CCNF: variants seen among roughly 807,000 people sequenced by gnomAD.
CCNF encodes the protein cyclin F.
A neutral mutation model predicts 85.4 loss-of-function variants in CCNF; 30 were observed. That is an observed-to-expected ratio of 0.35 (90% CI 0.26 to 0.48). The LOEUF (loss-of-function observed/expected upper bound fraction) is 0.48. CCNF is among the 20% of genes least tolerant of loss of function. The pLI is 0.99. For synonymous variants in CCNF, 439 were observed against 425.1 expected, an observed-to-expected ratio of 1.03 and a Z score of -0.40; for missense variants, 919 against 1,010.4, an observed-to-expected ratio of 0.91 and a Z score of 1.23.
In CCNF at chr16:2,456,860, C is replaced by T. The variant is rs377102842; in HGVS notation, c.2201C>T (p.Ser734Leu). ...PTSVLSLDSD[S>L]HTQPCHHQAR... ...TCAGTGCTGTCCCTGGACAGTGACTCGCACACACAGCCCTGCCACCATCAG... is the reference window on the plus strand; with the variant it reads ...TCAGTGCTGTCCCTGGACAGTGACTTGCACACACAGCCCTGCCACCATCAG... Residue 734 changes from serine to leucine, a missense_variant, in exon 17 of 17, where the codon TCG (serine) becomes TTG (leucine). By Grantham distance (145) the Ser-to-Leu change is moderately radical (BLOSUM62 -2). Transcript: ENST00000397066. This position sits in a 1 kb window ranked among gnomAD's most constrained non-coding sequence, Gnocchi z 4.5. 29 of 1,614,076 alleles carry T rather than the reference C, an allele frequency of 1.8e-5. No homozygotes were observed. Among genetic ancestry groups the T allele is most frequent in the African/African-American group, 1.6e-4 (12 of 75,058 alleles).
In CCNF at chr16:2,453,491, G is replaced by C; in HGVS notation, c.1669G>C (p.Glu557Gln). The C allele has an allele frequency of 6.2e-7, 1 of 1,614,100 alleles. No individual in the cohort carries two copies. The highest frequency in any genetic ancestry group is 8.5e-7 in the Non-Finnish European group (1 of 1,180,008). ...CCCCCCGACTTTCCTCAGCACAGGG[G>C]AGATCCACGCCTTCCTCAGCTCTCC... ...PDPPTFLSTG[E>Q]IHAFLSSPSG... Residue 557 changes from glutamate to glutamine, a missense_variant, in exon 15 of 17, where the codon GAG becomes CAG. Around this residue, in one of 3 missense-constraint regions of CCNF, gnomAD observed 505 missense variants for 514.8 expected, o/e 0.98. Coordinates refer to ENST00000397066, the MANE Select transcript of CCNF (RefSeq NM_001761.3). This position sits in a 1 kb window ranked among gnomAD's most constrained non-coding sequence, Gnocchi z 5.6.
intron 3 of CCNF, among the ~76,000 whole-genome samples, chr16:2,434,942 G>A (rs1162752179): frequency 2.0e-5 from 3 of 152,076 alleles, no homozygotes; most frequent in Non-Finnish European, 4.4e-5. Context: ...TGGATAATTC[G>A]TATTTGATTA....
chr16:2,439,388 T>C lies in CCNF; in HGVS notation c.630T>C (p.Phe210=). 6.2e-7 allele frequency: 1 copy of C among 1,610,076 alleles called. No homozygotes were observed. The change falls in exon 7 of 17, where the codon TTT becomes TTC. Residue 210 remains phenylalanine (F), a synonymous_variant. Transcript: ENST00000397066. ...EEKQQQAHDL[F]EEAAHQGCLT... ...AGCAGCAGCAGGCCCATGACCTGTT[T>C]GAGGAGGCTGCTCATCAGGGATGTC...
In CCNF at chr16:2,453,338, C is replaced by T. The variant is rs1342914949; in HGVS notation, c.1587+29C>T. On this transcript the variant is annotated intron_variant, in intron 14 of 16. Transcript: ENST00000397066. This position sits in a 1 kb window ranked among gnomAD's most constrained non-coding sequence, Gnocchi z 5.6. ...CCTCCCTCCCGCCACCTGGGCGTCT[C>T]ATGGGGTGCTGGGGTGTGGGCGGGC... 1.2e-6 allele frequency: 2 copies of T among 1,613,840 alleles called. No individual in the cohort carries two copies. The highest frequency in any genetic ancestry group is 1.7e-5 in the Admixed American group (1 of 60,020).
chr16:2,435,961 C>T, intron 4 of CCNF, 88 bp downstream of exon 4: 2 of 920,716 alleles, frequency 2.2e-6, no homozygotes, highest in South Asian at 2.9e-5. Flanking sequence ...GTTAGCAGTT[C>T]AGTTGCTGTC....
intron 6 of CCNF, among the ~76,000 whole-genome samples, chr16:2,438,716 G>T (rs1026812449): frequency 6.6e-6 from 1 of 152,030 alleles, no homozygotes; most frequent in Non-Finnish European, 1.5e-5. Context: ...AAGAATAAGG[G>T]CCGGTCATGG....
intron 3 of CCNF, among the ~76,000 whole-genome samples, chr16:2,434,869 T>C (rs1177825400): frequency 1.3e-5 from 2 of 152,272 alleles, no homozygotes; most frequent in East Asian, 1.9e-4. Context: ...ACGTGGTCTT[T>C]CGTGGCTGGC....
intron 2 of CCNF, among the ~76,000 whole-genome samples, 160 bp downstream of exon 2, chr16:2,431,444 G>A (rs761570242): frequency 6.6e-6 from 1 of 152,070 alleles, no homozygotes; most frequent in Admixed American, 6.5e-5. Context: ...TTGGGAGGCC[G>A]AAGGGGGGTG....
Position 2,458,297 on chromosome 16 carries a change from C to T in CCNF, c.*1277C>T, listed in dbSNP as rs968307347. The T allele has an allele frequency of 1.3e-5, 2 of 150,582 alleles. No individual in the cohort carries two copies. The highest frequency in any genetic ancestry group is 2.5e-5 in the African/African-American group (1 of 40,500). The allele number at this position is 150,582 out of a possible 1,614,324, so 9.3% of individuals were successfully genotyped here. A position where few individuals can be genotyped will look rare whatever the true frequency, so the allele number is the denominator to read the frequency against. On this transcript the variant is annotated 3_prime_UTR_variant, in exon 17 of 17. Transcript: ENST00000397066. ...GGAGACAGTTTTGCTCTTGTCTCCC[C>T]GGCTGGAGTGCAGTGGCATGATCTC...
intron 8 of CCNF, among the ~76,000 whole-genome samples, chr16:2,440,577 A>C (rs896686089): frequency 6.6e-6 from 1 of 152,116 alleles, no homozygotes. Flanking sequence ...CCTGGGCGAC[A>C]GAGCAAGACT....
At chr16:2,441,391 A>G (rs1357873110) in intron 8 of CCNF, among the ~76,000 whole-genome samples, 1 of 152,128 alleles carries the variant, frequency 6.6e-6, no homozygotes, top group Non-Finnish European at 1.5e-5. Flanking sequence ...GGGAGACCCT[A>G]TCTCAACAAA....
intron 8 of CCNF, among the ~76,000 whole-genome samples, chr16:2,443,103 A>T (rs1161598683): frequency 7.6e-6 from 1 of 130,836 alleles, no homozygotes; most frequent in Non-Finnish European, 1.6e-5. Flanking sequence ...AGATATTTTT[A>T]TATATAATAT....
intron 5 of CCNF, 147 bp from the exon 6 acceptor site, chr16:2,437,922 AG>A: frequency 3.5e-6 from 2 of 570,650 alleles, no homozygotes; most frequent in Admixed American, 3.0e-5. Context: ...AAAAAAAAAA[AG>A]ACTGAAATCT....
At chr16:2,430,329 GC>G (rs1269087178) in intron 1 of CCNF, among the ~76,000 whole-genome samples, 1 of 152,136 alleles carries the variant, frequency 6.6e-6, no homozygotes, top group Non-Finnish European at 1.5e-5. Flanking sequence ...TGAAATAAGG[GC>G]TAAGGTCATC....
intron 11 of CCNF, 118 bp from the exon 12 acceptor site, chr16:2,449,164 A>G (rs1014576254): frequency 2.8e-6 from 4 of 1,441,840 alleles, no homozygotes; most frequent in Non-Finnish European, 3.9e-6. Flanking sequence ...CTGGTGCGCT[A>G]CGCGTGCAGC....
rs544009612 is a variant in CCNF, at chr16:2,441,761, C to T, written c.778-1888C>T. Among the ~76,000 whole-genome samples, 16 of 151,252 alleles carry T rather than the reference C, an allele frequency of 1.1e-4. No homozygotes were observed. In the South Asian group the frequency reaches 3.2e-3, roughly 30 times the overall value. On this transcript the variant is annotated intron_variant, in intron 8 of 16. Transcript: ENST00000397066. ...AAAACTCCTGACCTCAAGTAATCTGCCCTCCTCGGCCTCCCAAAGTGTTGG... is the reference window on the plus strand; with the variant it reads ...AAAACTCCTGACCTCAAGTAATCTGTCCTCCTCGGCCTCCCAAAGTGTTGG...
chr16:2,449,797 C>CCCTCCATCT, intron 12 of CCNF, 31 bp from the exon 13 acceptor site: 1 of 1,365,442 alleles, frequency 7.3e-7, no homozygotes, highest in Non-Finnish European at 1.0e-6. Flanking sequence ...CCCCTCCATC[C>CCCTCCATCT]CCTCCACCCC....
intron 8 of CCNF, among the ~76,000 whole-genome samples, chr16:2,440,702 TC>T (rs975982459): frequency 2.0e-5 from 3 of 152,180 alleles, no homozygotes; most frequent in African/African-American, 7.2e-5. Context: ...TGATCTGCGC[TC>T]AAATGCTAGG....
At chr16:2,435,654 TGCACACACACAC>T (rs1567383203) in intron 3 of CCNF, 140 bp from the exon 4 acceptor site, 2 of 183,526 alleles carry the variant, frequency 1.1e-5, no homozygotes, top group Non-Finnish European at 1.8e-5. Flanking sequence ...CATATATATA[TGCACACACACAC>T]ATATATATAT....
Sources: allele counts gnomAD v4.1 joint callset (sites outside exome capture counted in the v4.1 genomes callset), GRCh38; gene constraint gnomAD v4.1.1; regional missense constraint gnomAD v4.1.1; non-coding constraint Gnocchi (gnomAD v3.1); transcripts MANE v1.5; gene names NCBI Gene and HGNC (gene_info 2026-07-23, HGNC 2026-07-21).